Variants in TTC27 observed in about 807,000 individuals in gnomAD.
The protein encoded by TTC27 is tetratricopeptide repeat protein 27.
TTC27 carries 79 observed loss-of-function variants against 115.9 expected under a neutral mutation model. The observed-to-expected ratio is 0.68, with a 90% CI of 0.57 to 0.82. The LOEUF is 0.82. Ranked by LOEUF, TTC27 falls within the 40% of genes least tolerant of loss-of-function variation. The probability of loss-of-function intolerance (pLI) is 0.00; values close to 1 mark genes in which losing one functional copy is unlikely to be tolerated. For missense variants in TTC27, 1,054 were observed against 993.1 expected (o/e 1.06, Z -0.82); for synonymous variants, 401 against 356.0 (o/e 1.13, Z -1.42).
chr2:32,651,422 C>G (rs1469549770), intron 5 of TTC27, among the ~76,000 whole-genome samples: 2 of 152,228 alleles, frequency 1.3e-5, no homozygotes, highest in African/African-American at 4.8e-5. Flanking sequence ...TCTCGGCTCA[C>G]TGCAACCTCC....
At chr2:32,686,260 C>T (rs1444241257) in intron 9 of TTC27, among the ~76,000 whole-genome samples, 1 of 152,068 alleles carries the variant, frequency 6.6e-6, no homozygotes, top group South Asian at 2.1e-4. Flanking sequence ...TAAAATTGAG[C>T]TTCAAATTAA....
intron 12 of TTC27, among the ~76,000 whole-genome samples, chr2:32,748,453 A>G (rs1374979931): frequency 6.6e-6 from 1 of 152,162 alleles, no homozygotes; most frequent in East Asian, 1.9e-4. Context: ...TAGTTGGTTT[A>G]TAGCATTATT....
intron 10 of TTC27, chr2:32,704,840 G>A (rs1015770945): frequency 4.2e-6 from 2 of 470,662 alleles, no homozygotes; most frequent in African/African-American, 4.0e-5. Context: ...TAGAAATGAT[G>A]TAGTACTCTT....
chr2:32,732,403 T>C (rs1318105562), intron 10 of TTC27, among the ~76,000 whole-genome samples: 4 of 152,244 alleles, frequency 2.6e-5, no homozygotes, highest in African/African-American at 9.6e-5. Flanking sequence ...TTTCTCACAC[T>C]TGAGCTCATA....
At chr2:32,628,489 C>T in intron 1 of TTC27, 109 bp downstream of exon 1, 1 of 1,129,578 alleles carries the variant, frequency 8.9e-7, no homozygotes. Flanking sequence ...CACAGTCTAG[C>T]TGATTCCTTG....
chr2:32,641,937 G>C (rs1327367233), intron 4 of TTC27, among the ~76,000 whole-genome samples: 3 of 151,636 alleles, frequency 2.0e-5, no homozygotes, highest in Non-Finnish European at 4.4e-5. Context: ...CTCACTGCAA[G>C]CTCCACCTCC....
intron 12 of TTC27, among the ~76,000 whole-genome samples, chr2:32,741,132 G>GT (rs1209685210): frequency 6.6e-6 from 1 of 152,186 alleles, no homozygotes; most frequent in Non-Finnish European, 1.5e-5. Context: ...TCAGACCTTT[G>GT]TAATTGTTGT....
At chr2:32,659,262 G>A (rs187292703) in intron 5 of TTC27, among the ~76,000 whole-genome samples, 59 of 151,888 alleles carry the variant, frequency 3.9e-4, no homozygotes, top group Non-Finnish European at 2.4e-4. Flanking sequence ...ACGATGCCCA[G>A]CCCCTCCTTT....
chr2:32,783,180 A>G (rs1670239497), intron 15 of TTC27, among the ~76,000 whole-genome samples: 1 of 152,210 alleles, frequency 6.6e-6, no homozygotes, highest in Non-Finnish European at 1.5e-5. Flanking sequence ...AAAGAGGGCT[A>G]AAATAATCAT....
intron 16 of TTC27, among the ~76,000 whole-genome samples, chr2:32,796,508 T>C (rs1181648655): frequency 6.6e-6 from 1 of 152,144 alleles, no homozygotes; most frequent in African/African-American, 2.4e-5. Flanking sequence ...TAAGAGAATA[T>C]TGTGAACAAG....
At chr2:32,631,797 A>G (rs921087960) in intron 2 of TTC27, among the ~76,000 whole-genome samples, 21 of 152,056 alleles carry the variant, frequency 1.4e-4, no homozygotes, top group East Asian at 1.4e-3. Flanking sequence ...TTGAAAATTA[A>G]TATTATTCAT....
At chr2:32,644,037 C>T (rs553194351) in intron 4 of TTC27, among the ~76,000 whole-genome samples, 65 of 151,890 alleles carry the variant, frequency 4.3e-4, no homozygotes, top group African/African-American at 1.2e-3. Flanking sequence ...AAAAGTTAGC[C>T]GGGTGTAATG....
chr2:32,679,860 T>C (rs538399501), intron 9 of TTC27, among the ~76,000 whole-genome samples: 80 of 152,146 alleles, frequency 5.3e-4, no homozygotes, highest in Non-Finnish European at 1.0e-3. Context: ...GGCTTGGTGG[T>C]ACATGTCTGT....
At chr2:32,788,432 CAG>C (rs1670420402) in intron 16 of TTC27, among the ~76,000 whole-genome samples, 2 of 152,294 alleles carry the variant, frequency 1.3e-5, no homozygotes, top group East Asian at 1.9e-4. Context: ...ATAAGCTAGA[CAG>C]GGGACTTCTT....
chr2:32,765,518 G>A (rs1032003554), intron 13 of TTC27, among the ~76,000 whole-genome samples: 2 of 152,076 alleles, frequency 1.3e-5, no homozygotes, highest in South Asian at 2.1e-4. Flanking sequence ...TGGGATTTTC[G>A]GGTGGTGAAT....
At chr2:32,704,167 G>A (rs967690430) in intron 10 of TTC27, among the ~76,000 whole-genome samples, 2 of 152,024 alleles carry the variant, frequency 1.3e-5, no homozygotes, top group Non-Finnish European at 2.9e-5. Flanking sequence ...TCGGACTATA[G>A]TAATTAATGA....
chr2:32,793,913 A>G (rs1670619525), intron 16 of TTC27, among the ~76,000 whole-genome samples: 1 of 152,166 alleles, frequency 6.6e-6, no homozygotes, highest in Admixed American at 6.6e-5. Context: ...TCTAAAAGCT[A>G]GTAGTATTGT....
rs1664585871 is a variant in TTC27 at position 32,640,152 on chromosome 2, A to G, written c.397-118A>G. ...TGTCCAGTGCCAATTGCTGTGTAATATATTAATGCTTTTGTTTCAAAGCTG... is the reference window on the plus strand; with the variant it reads ...TGTCCAGTGCCAATTGCTGTGTAATGTATTAATGCTTTTGTTTCAAAGCTG... On this transcript the variant is annotated intron_variant, in intron 3 of 19. Transcript: ENST00000317907. 6.4e-6 allele frequency: 6 copies of G among 932,446 alleles called. No homozygotes were observed. In the African/African-American group the frequency reaches 1.0e-4, roughly 15 times the overall value. 57.8% of individuals were successfully genotyped at this position (932,446 alleles called of 1,614,324 possible).
chr2:32,657,253 G>C (rs1209479470), intron 5 of TTC27, among the ~76,000 whole-genome samples: 3 of 152,040 alleles, frequency 2.0e-5, no homozygotes, highest in African/African-American at 7.2e-5. Flanking sequence ...GTTCACGTTA[G>C]GATGCCTATG....
Sources: gnomAD v4.1 joint callset for allele counts (sites outside exome capture counted in the v4.1 genomes callset) on GRCh38, gnomAD v4.1.1 for gene constraint, MANE v1.5 for transcripts, NCBI Gene and HGNC (gene_info 2026-07-23, HGNC 2026-07-21) for gene names.